The following MYO5B variants were observed in gnomAD, a reference collection of about 807,000 sequenced individuals.
MYO5B encodes the protein unconventional myosin-Vb.
In MYO5B, 143 loss-of-function variants were observed where a neutral mutation model predicts 229.3. The observed-to-expected ratio is 0.62, with a 90% CI of 0.54 to 0.72. MYO5B has a LOEUF of 0.72. Among genes scored for constraint, MYO5B ranks in the 30% least tolerant of loss-of-function variants. The pLI is 0.00. For synonymous variants in MYO5B, 918 were observed against 885.2 expected (o/e 1.04, Z -0.66); for missense variants, 2,321 against 2,331.0 (o/e 1.00, Z 0.09).
At chr18:50,003,364 T>C (rs2026068307) in intron 4 of MYO5B, among the ~76,000 whole-genome samples, 1 of 152,234 alleles carries the variant, frequency 6.6e-6, no homozygotes, top group Non-Finnish European at 1.5e-5. Context: ...CTCTCTGAGA[T>C]CCCTTGTAGT....
intron 34 of MYO5B, 116 bp downstream of exon 34, chr18:49,843,125 A>G (rs2024080102): frequency 7.4e-7 from 1 of 1,352,098 alleles, no homozygotes; most frequent in Admixed American, 1.8e-5. Flanking sequence ...TTTACCTTCA[A>G]AGTTGGAGCC....
intron 1 of MYO5B, among the ~76,000 whole-genome samples, chr18:50,059,243 A>G (rs184947684): frequency 1.3e-5 from 2 of 152,344 alleles, no homozygotes; most frequent in East Asian, 1.9e-4. Context: ...CACCTGGTTT[A>G]TACCTAAAAC....
Position 49,872,219 on chromosome 18 carries a change from T to G in MYO5B, c.3551A>C (p.Gln1184Pro). 6.2e-7 allele frequency: 1 copy of G among 1,614,168 alleles called. No individual in the cohort carries two copies. Among genetic ancestry groups the G allele is most frequent in the South Asian group, 1.1e-5 (1 of 91,078 alleles). ...ATTCGGGTCCAAATCTATGTCAGTCTGTGGTGGTTCCGCCTGCATGGATAG... is the reference window on the plus strand; with the variant it reads ...ATTCGGGTCCAAATCTATGTCAGTCGGTGGTGGTTCCGCCTGCATGGATAG... ...DSKKVQAEPP[Q>P]TDIDLDPNAD... The change falls in exon 27 of 40, where the codon CAG becomes CCG. Residue 1184 changes from glutamine (Q) to proline (P), a missense_variant. Around this residue, in one of 2 missense-constraint regions of MYO5B, gnomAD observed 2,113 missense variants for 2,044.7 expected, o/e 1.03. Transcript: ENST00000285039.
At chr18:49,905,660 T>A (rs1209726980) in intron 19 of MYO5B, among the ~76,000 whole-genome samples, 1 of 152,164 alleles carries the variant, frequency 6.6e-6, no homozygotes, top group African/African-American at 2.4e-5. Context: ...GCGATTATTG[T>A]CACTTCTCTA....
At chr18:50,002,717 C>T (rs2026061671) in intron 4 of MYO5B, among the ~76,000 whole-genome samples, 1 of 152,242 alleles carries the variant, frequency 6.6e-6, no homozygotes, top group Non-Finnish European at 1.5e-5. Context: ...GTGTCTGTAA[C>T]TGTGCCTGGC....
intron 1 of MYO5B, among the ~76,000 whole-genome samples, chr18:50,184,579 A>G (rs2033120539): frequency 6.6e-6 from 1 of 152,180 alleles, no homozygotes; most frequent in Non-Finnish European, 1.5e-5. Flanking sequence ...AGTGCTGAGA[A>G]GTGATTTGGC....
intron 14 of MYO5B, among the ~76,000 whole-genome samples, chr18:49,942,478 T>C (rs2025327524): frequency 1.3e-5 from 2 of 149,692 alleles, no homozygotes; most frequent in African/African-American, 4.9e-5. Flanking sequence ...GACAAAGGGC[T>C]AATATCCAGA....
At chr18:49,922,415 C>T (rs551249962) in intron 17 of MYO5B, among the ~76,000 whole-genome samples, 5 of 152,224 alleles carry the variant, frequency 3.3e-5, no homozygotes, top group Admixed American at 2.0e-4. Context: ...GCCCTCTCAC[C>T]GCTCATCCTC....
rs566412916 is a variant in MYO5B, at chr18:50,107,466, C to A, written c.28-52088G>T. Among the ~76,000 whole-genome samples, 4 of 152,268 alleles carry A rather than the reference C, an allele frequency of 2.6e-5. No individual in the cohort carries two copies. In the East Asian group the frequency reaches 7.7e-4, roughly 29 times the overall value. ...CCAGGGGAGTTCTACCGTATTCTCACATCTTGAGCTTCAATTAAGATTGTG... is the reference window on the plus strand; with the variant it reads ...CCAGGGGAGTTCTACCGTATTCTCAAATCTTGAGCTTCAATTAAGATTGTG... On this transcript the variant is annotated intron_variant, in intron 1 of 39. Coordinates refer to ENST00000285039, the MANE Select transcript of MYO5B (RefSeq NM_001080467.3).
chr18:49,872,127 A>G (rs2144093828), intron 27 of MYO5B, 40 bp downstream of exon 27: 1 of 1,596,994 alleles, frequency 6.3e-7, no homozygotes, highest in Non-Finnish European at 8.6e-7. Context: ...GCCCTCTGCC[A>G]GGGGAGTGTT....
In MYO5B at chr18:49,957,930, G is replaced by GC. The variant is rs572341425; in HGVS notation, c.1546-3496dup. Among the ~76,000 whole-genome samples the GC allele has an allele frequency of 2.7e-3, 402 of 151,512 alleles. 1 individual carries two copies. The highest frequency in any genetic ancestry group is 6.2e-3 in the African/African-American group (254 of 41,282). ...CTTTGCCATCACAGAAGCCCAGCTG[G>GC]CCCCCCCCAGGACTCTGCAGTCCTC... On this transcript the variant is annotated intron_variant, in intron 12 of 39. Transcript: ENST00000285039.
chr18:49,827,400 C>T (rs2023860404), intron 39 of MYO5B, among the ~76,000 whole-genome samples: 1 of 152,216 alleles, frequency 6.6e-6, no homozygotes, highest in African/African-American at 2.4e-5. Context: ...CAGCAGATGC[C>T]TGTCTTGGTT....
intron 1 of MYO5B, among the ~76,000 whole-genome samples, chr18:50,066,151 A>G (rs1285818146): frequency 2.0e-5 from 3 of 152,220 alleles, no homozygotes; most frequent in African/African-American, 7.2e-5. Flanking sequence ...AAAATATCAG[A>G]TTTACAGATG....
At chr18:50,089,803 T>C (rs1477619066) in intron 1 of MYO5B, among the ~76,000 whole-genome samples, 2 of 152,182 alleles carry the variant, frequency 1.3e-5, no homozygotes, top group African/African-American at 4.8e-5. Flanking sequence ...GGCGATTCCC[T>C]GGGCCTTTGT....
chr18:49,932,672 A>G (rs1568035986), intron 16 of MYO5B, among the ~76,000 whole-genome samples: 1 of 152,190 alleles, frequency 6.6e-6, no homozygotes, highest in Non-Finnish European at 1.5e-5. Context: ...TACAAAAACA[A>G]ACAAACAAAC....
intron 27 of MYO5B, among the ~76,000 whole-genome samples, 176 bp from the exon 28 acceptor site, chr18:49,864,556 G>A (rs2144081207): frequency 6.6e-6 from 1 of 152,342 alleles, no homozygotes; most frequent in South Asian, 2.1e-4. Flanking sequence ...GCCTGGATGT[G>A]AACTCATGAC....
intron 14 of MYO5B, among the ~76,000 whole-genome samples, chr18:49,944,005 G>A (rs1476592374): frequency 2.0e-5 from 3 of 152,144 alleles, no homozygotes; most frequent in African/African-American, 7.2e-5. Context: ...GATAAAGCTG[G>A]TCAACGTACA....
chr18:49,846,667 A>G (rs1245511056), intron 33 of MYO5B, among the ~76,000 whole-genome samples: 2 of 152,156 alleles, frequency 1.3e-5, no homozygotes, highest in African/African-American at 2.4e-5. Flanking sequence ...GCAAGTTACT[A>G]GAGTGAGTCT....
At chr18:50,077,615 C>T (rs2031119542) in intron 1 of MYO5B, among the ~76,000 whole-genome samples, 2 of 151,814 alleles carry the variant, frequency 1.3e-5, no homozygotes, top group South Asian at 4.2e-4. Context: ...ATTCATAATG[C>T]TTAACTACAT....
Sources: allele counts gnomAD v4.1 joint callset (sites outside exome capture counted in the v4.1 genomes callset), GRCh38; gene constraint gnomAD v4.1.1; regional missense constraint gnomAD v4.1.1; transcripts MANE v1.5; gene names NCBI Gene and HGNC (gene_info 2026-07-23, HGNC 2026-07-21).